SNTG2: variants seen among roughly 807,000 people sequenced by gnomAD.
SNTG2 encodes the protein syntrophin gamma 2.
In SNTG2, 74 loss-of-function variants were observed where a neutral mutation model predicts 70.9. The observed-to-expected ratio is 1.04, with a 90% CI of 0.86 to 1.27. SNTG2 has a LOEUF of 1.27. Among genes scored for constraint, SNTG2 ranks in the 50% most tolerant of loss-of-function variants. SNTG2 has a pLI of 0.00. For synonymous variants in SNTG2, 278 were observed against 273.8 expected (o/e 1.02, Z -0.15); for missense variants, 717 against 690.7 (o/e 1.04, Z -0.43).
intron 9 of SNTG2, among the ~76,000 whole-genome samples, chr2:1,226,536 G>A (rs562637690): frequency 7.9e-5 from 12 of 152,120 alleles, no homozygotes; most frequent in African/African-American, 2.2e-4. Flanking sequence ...GCAAGGCCTC[G>A]AGGCCATGAC....
intron 1 of SNTG2, among the ~76,000 whole-genome samples, chr2:965,172 C>A: frequency 7.2e-6 from 1 of 139,016 alleles, no homozygotes; most frequent in South Asian, 2.6e-4. Context: ...TCCTTGGACC[C>A]CAATCCTCCT....
intron 1 of SNTG2, among the ~76,000 whole-genome samples, chr2:1,036,518 G>T (rs1394995930): frequency 6.6e-6 from 1 of 151,972 alleles, no homozygotes; most frequent in Admixed American, 6.5e-5. Flanking sequence ...AATTAAAATT[G>T]TACATAGCTA....
In SNTG2 at chr2:1,239,748, C is replaced by CAA. The variant is rs767843532; in HGVS notation, c.860_861insAA (p.Asn288ArgfsTer17). On this transcript the variant is annotated frameshift_variant, in exon 11 of 17. Coordinates refer to ENST00000308624, the MANE Select transcript of SNTG2 (RefSeq NM_018968.4). LOFTEE classifies it high-confidence loss of function. ...GCCTTCTCTCCACAGATGAAGATGG[C>CAA]GAACAAATGCTGCTCTCCTTCCGAC... 2.5e-6 allele frequency: 4 copies of CAA among 1,613,238 alleles called. No homozygotes were observed. In the African/African-American group the frequency reaches 5.3e-5, roughly 22 times the overall value.
chr2:1,197,205 A>G (rs1397019485), intron 8 of SNTG2, among the ~76,000 whole-genome samples: 1 of 152,084 alleles, frequency 6.6e-6, no homozygotes. Context: ...AAATGACCCA[A>G]TTATATGCTG....
chr2:1,122,722 C>CAAAAAAAA (rs60163290), intron 4 of SNTG2, among the ~76,000 whole-genome samples: 1 of 121,954 alleles, frequency 8.2e-6, no homozygotes, highest in Non-Finnish European at 1.9e-5. Context: ...AGCAATCAGA[C>CAAAAAAAA]AAAAAAAAAA....
intron 1 of SNTG2, among the ~76,000 whole-genome samples, chr2:1,005,477 A>G (rs1265910210): frequency 1.3e-5 from 2 of 151,958 alleles, no homozygotes; most frequent in African/African-American, 4.8e-5. Context: ...CTGTGAAGCT[A>G]AAACCCCTCT....
intron 1 of SNTG2, among the ~76,000 whole-genome samples, chr2:952,877 A>G (rs866570798): frequency 4.4e-4 from 67 of 152,348 alleles, no homozygotes; most frequent in African/African-American, 1.5e-3. Context: ...TGTTCTTAGT[A>G]TACAATGTCA....
chr2:1,306,909 T>C (rs1680703367), intron 14 of SNTG2, among the ~76,000 whole-genome samples: 1 of 152,156 alleles, frequency 6.6e-6, no homozygotes, highest in Non-Finnish European at 1.5e-5. Flanking sequence ...CCGCACTGTG[T>C]GTGTGCGTGT....
At chr2:1,110,617 A>G in intron 4 of SNTG2, among the ~76,000 whole-genome samples, 1 of 152,204 alleles carries the variant, frequency 6.6e-6, no homozygotes, top group Non-Finnish European at 1.5e-5. Context: ...TGAGCAGCTG[A>G]GATGCCTCTT....
intron 6 of SNTG2, chr2:1,160,376 T>C (rs1260808851): frequency 6.6e-6 from 1 of 152,188 alleles, no homozygotes; most frequent in East Asian, 1.9e-4. Context: ...TTGCATATGT[T>C]GTATTATTTC....
chr2:1,031,415 G>T (rs936263807), intron 1 of SNTG2, among the ~76,000 whole-genome samples: 5 of 149,760 alleles, frequency 3.3e-5, no homozygotes, highest in African/African-American at 1.2e-4. Context: ...TAATTGACAT[G>T]AATAGACTTA....
intron 8 of SNTG2, among the ~76,000 whole-genome samples, chr2:1,177,282 G>A (rs1395784938): frequency 6.6e-6 from 1 of 152,094 alleles, no homozygotes; most frequent in Non-Finnish European, 1.5e-5. Flanking sequence ...TGAACTATGA[G>A]AACACATGGA....
intron 4 of SNTG2, among the ~76,000 whole-genome samples, chr2:1,099,648 C>CA (rs1665646048): frequency 1.3e-5 from 2 of 151,852 alleles, no homozygotes; most frequent in African/African-American, 4.8e-5. Flanking sequence ...CAGCGATGGT[C>CA]AGGTCATCTG....
At chr2:1,092,412 G>A (rs547599128) in intron 2 of SNTG2, among the ~76,000 whole-genome samples, 1 of 152,308 alleles carries the variant, frequency 6.6e-6, no homozygotes, top group East Asian at 1.9e-4. Context: ...TAACACCCCA[G>A]GTCATCCTGT....
At chr2:1,222,500 TGGA>T (rs1302673462) in intron 9 of SNTG2, among the ~76,000 whole-genome samples, 2 of 140,474 alleles carry the variant, frequency 1.4e-5, no homozygotes, top group Admixed American at 1.4e-4. Context: ...GGTGCAGTGA[TGGA>T]GGGCGTCTCC....
intron 16 of SNTG2, among the ~76,000 whole-genome samples, chr2:1,359,385 A>G (rs1485894069): frequency 2.6e-5 from 4 of 152,130 alleles, no homozygotes; most frequent in Non-Finnish European, 4.4e-5. Context: ...TGTTGGGTGC[A>G]TATTTATTTA....
rs554760331 is a variant in SNTG2 at position 1,019,150 on chromosome 2, C to T, written c.73-64368C>T. Among the ~76,000 whole-genome samples, 11 of 152,234 alleles carry T rather than the reference C, an allele frequency of 7.2e-5. No homozygotes were observed. In the South Asian group the frequency reaches 1.2e-3, roughly 17 times the overall value. ...GGGCTGCAGAGCACTGATGGAGGGACGTCATGGTGTGTATTGTGCATCAAA... is the reference window on the plus strand; with the variant it reads ...GGGCTGCAGAGCACTGATGGAGGGATGTCATGGTGTGTATTGTGCATCAAA... On this transcript the variant is annotated intron_variant, in intron 1 of 16. Coordinates refer to ENST00000308624, the MANE Select transcript of SNTG2 (RefSeq NM_018968.4).
chr2:1,119,859 A>G (rs1420644125), intron 4 of SNTG2, among the ~76,000 whole-genome samples: 1 of 152,186 alleles, frequency 6.6e-6, no homozygotes, highest in Non-Finnish European at 1.5e-5. Context: ...AGAAAATAAG[A>G]GAATGACTGG....
At chr2:1,193,971 C>A (rs1672751431) in intron 8 of SNTG2, among the ~76,000 whole-genome samples, 1 of 152,234 alleles carries the variant, frequency 6.6e-6, no homozygotes, top group Admixed American at 6.5e-5. Flanking sequence ...TCTGTCGGAC[C>A]TTCATCTCCC....
Sources: allele counts gnomAD v4.1 joint callset (sites outside exome capture counted in the v4.1 genomes callset), GRCh38; gene constraint gnomAD v4.1.1; transcripts MANE v1.5; gene names NCBI Gene and HGNC (gene_info 2026-07-23, HGNC 2026-07-21).